Variants in MPP1 observed in about 807,000 individuals in gnomAD.
MPP1 encodes MAGUK p55 scaffold protein 1.
In MPP1, 6 loss-of-function variants were observed where a neutral mutation model predicts 38.2. The observed-to-expected ratio is 0.16, with a 90% CI of 0.09 to 0.31. MPP1 has a LOEUF of 0.31. MPP1 is among the 10% of genes least tolerant of loss of function. MPP1 has a pLI of 1.00. For synonymous variants in MPP1, 153 were observed against 146.3 expected (o/e 1.05, Z -0.33); for missense variants, 293 against 368.9 (o/e 0.79, Z 1.69).
At chrX:154,788,388 A>C (rs2072103791) in intron 5 of MPP1, among the ~76,000 whole-genome samples, 2 of 112,044 alleles carry the variant, frequency 1.8e-5, no homozygotes, top group African/African-American at 6.5e-5. Flanking sequence ...AAGTGGAAAA[A>C]AACATATAAA....
chrX:154,801,757 T>TGAAA (rs2072263857), intron 1 of MPP1, among the ~76,000 whole-genome samples: 1 of 2,500 alleles, frequency 4.0e-4, no homozygotes, highest in Non-Finnish European at 1.1e-3. Flanking sequence ...AAACTCTGTC[T>TGAAA]CAAAAAAAAA....
intron 3 of MPP1, chrX:154,791,316 G>A (rs782381374): frequency 3.6e-5 from 14 of 387,595 alleles, no homozygotes; most frequent in African/African-American, 7.6e-5. Flanking sequence ...AGTGGCTACT[G>A]ACTCCAGACT....
chrX:154,790,044 A>C, intron 4 of MPP1, 22 bp from the exon 5 acceptor site: 2 of 1,071,101 alleles, frequency 1.9e-6, no homozygotes, highest in Non-Finnish European at 2.6e-6. Flanking sequence ...AATGGACATA[A>C]AATTGTACAG....
rs782396777 is a variant in MPP1, at chrX:154,781,265, T to C, written c.1198A>G (p.Ile400Val). Residue 400 changes from isoleucine (I) to valine (V), a missense_variant, in exon 11 of 12, where the codon ATT (isoleucine) becomes GTT (valine). Coordinates refer to ENST00000369534, the MANE Select transcript of MPP1 (RefSeq NM_002436.4). ...TGAGTGCCCTGGTCAGTAGGTGCAA[T>C]GAACACAATGAAAGGCGAAAGTTCT... The part of the protein sequence containing the change: ...TAELSPFIVF[I>V]APTDQGTQTE... 7.5e-6 allele frequency: 9 copies of C among 1,201,170 alleles called. No individual in the cohort carries two copies. The highest frequency in any genetic ancestry group is 1.0e-5 in the Non-Finnish European group (9 of 893,157).
intron 1 of MPP1, 114 bp from the exon 2 acceptor site, chrX:154,792,399 G>T: frequency 2.2e-6 from 2 of 898,481 alleles, no homozygotes; most frequent in Non-Finnish European, 1.5e-6. Context: ...TCATAAGTTT[G>T]GCCTCATTCT....
intron 3 of MPP1, 96 bp from the exon 4 acceptor site, chrX:154,791,164 TACAGC>T: frequency 1.4e-6 from 1 of 697,161 alleles, no homozygotes. Flanking sequence ...AACCAGGATT[TACAGC>T]ATGTTATGAA....
rs184166260 is a variant in MPP1 at position 154,793,606 on chromosome X, T to C, written c.103-1321A>G. Among the ~76,000 whole-genome samples, 156 of 112,172 alleles carry C rather than the reference T, an allele frequency of 1.4e-3. 1 individual carries two copies. Among genetic ancestry groups the C allele is most frequent in the Non-Finnish European group, 1.1e-3 (57 of 53,182 alleles). ...GGAGGTGTGGCTATATGGGTGTCAC[T>C]ATAAAATTCTTTCATCTTTTTGGCG... is the stretch of plus-strand genomic sequence containing the variant. On this transcript the variant is annotated intron_variant, in intron 1 of 11. Transcript: ENST00000369534.
intron 1 of MPP1, among the ~76,000 whole-genome samples, chrX:154,801,580 G>A (rs968092752): frequency 3.7e-5 from 4 of 108,466 alleles, no homozygotes; most frequent in African/African-American, 1.0e-4. Flanking sequence ...CCAACATGGC[G>A]AAAACCTGTC....
In MPP1 at chrX:154,781,324, AAAAG is replaced by A. The variant is rs782586865; in HGVS notation, c.1150-15_1150-12del. The A allele has an allele frequency of 1.2e-5, 14 of 1,161,867 alleles. No individual in the cohort carries two copies. The Admixed American group carries it at 3.2e-4, about 26-fold the overall frequency. On this transcript the variant is annotated splice_polypyrimidine_tract_variant and intron_variant, in intron 10 of 11. Coordinates refer to ENST00000369534, the MANE Select transcript of MPP1 (RefSeq NM_002436.4). Reference sequence around the variant, plus strand: ...AACAATTTTCAGGGTCTAGAAAAAAAAAAGAAGGGCGGCGGGGAGGGGGGGGAAG... The same window carrying A: ...AACAATTTTCAGGGTCTAGAAAAAAAAAGGGCGGCGGGGAGGGGGGGGAAG...
chrX:154,803,854 A>AT (rs1310815498), intron 1 of MPP1, among the ~76,000 whole-genome samples: 4 of 112,562 alleles, frequency 3.6e-5, no homozygotes, highest in South Asian at 3.7e-4. Context: ...AAATAAATAG[A>AT]TTTTTTAAAA....
At chrX:154,787,212 C>T (rs1050740333) in intron 5 of MPP1, among the ~76,000 whole-genome samples, 3 of 109,757 alleles carry the variant, frequency 2.7e-5, no homozygotes, top group African/African-American at 6.7e-5. Flanking sequence ...TAATCTCATA[C>T]GAAAACAGAT....
chrX:154,805,144 G>T, intron 1 of MPP1, 128 bp downstream of exon 1: 1 of 643,457 alleles, frequency 1.6e-6, no homozygotes, highest in African/African-American at 2.2e-5. Flanking sequence ...CGGCTATCGC[G>T]GTCTCCGACC....
At chrX:154,793,394 A>G (rs1444072127) in intron 1 of MPP1, among the ~76,000 whole-genome samples, 1 of 112,648 alleles carries the variant, frequency 8.9e-6, no homozygotes, top group Non-Finnish European at 1.9e-5. Flanking sequence ...TAATAACAGG[A>G]TGAAAAGAAC....
chrX:154,800,600 G>T (rs1426102373), intron 1 of MPP1, among the ~76,000 whole-genome samples: 1 of 112,504 alleles, frequency 8.9e-6, no homozygotes, highest in African/African-American at 3.2e-5. Context: ...AACCAGTGCC[G>T]GAGCTGTGTG....
chrX:154,801,261 G>C (rs781994958), intron 1 of MPP1, among the ~76,000 whole-genome samples: 1 of 112,296 alleles, frequency 8.9e-6, no homozygotes, highest in South Asian at 3.7e-4. Context: ...ACAGTGCCCA[G>C]GTTGGCAAAC....
At chrX:154,789,113 G>C (rs1287604071) in intron 5 of MPP1, among the ~76,000 whole-genome samples, 1 of 111,829 alleles carries the variant, frequency 8.9e-6, no homozygotes, top group East Asian at 2.8e-4. Context: ...CTTGTGATTT[G>C]TGCCCTTTGT....
At chrX:154,779,553 G>A (rs1031058331) in intron 11 of MPP1, among the ~76,000 whole-genome samples, 200 bp from the exon 12 acceptor site, 4 of 112,278 alleles carry the variant, frequency 3.6e-5, no homozygotes, top group African/African-American at 1.3e-4. Context: ...ATTCTCAGAG[G>A]ATCTCAAGCT....
intron 5 of MPP1, among the ~76,000 whole-genome samples, chrX:154,788,401 G>T (rs2072104264): frequency 9.0e-6 from 1 of 111,594 alleles, no homozygotes; most frequent in Non-Finnish European, 1.9e-5. Context: ...CATATAAAAA[G>T]GAGTTTACCC....
rs150129127 is a variant in MPP1, at chrX:154,786,335, C to T, written c.546G>A (p.Ala182=). 8.8e-4 allele frequency: 1,066 copies of T among 1,209,729 alleles called. No individual in the cohort carries two copies. The highest frequency in any genetic ancestry group is 1.1e-3 in the Non-Finnish European group (977 of 895,145). The change falls in exon 6 of 12, where the codon GCG becomes GCA. Residue 182 remains alanine, a synonymous_variant. Coordinates refer to ENST00000369534, the MANE Select transcript of MPP1 (RefSeq NM_002436.4). ...TGTCCCCAGTAGCAAACTTCAGTCCCGCCTCCTTGCAAGGGATCAGATTGT... is the reference window on the plus strand; with the variant it reads ...TGTCCCCAGTAGCAAACTTCAGTCCTGCCTCCTTGCAAGGGATCAGATTGT... ...KKDNLIPCKE[A]GLKFATGDII... is the part of the protein sequence containing the mutation.
Sources: gnomAD v4.1 joint callset for allele counts (sites outside exome capture counted in the v4.1 genomes callset) on GRCh38, gnomAD v4.1.1 for gene constraint, MANE v1.5 for transcripts, NCBI Gene and HGNC (gene_info 2026-07-23, HGNC 2026-07-21) for gene names.